Variants in GLP2R observed in about 807,000 individuals in gnomAD.
GLP2R encodes the protein glucagon-like peptide 2 receptor.
Under a neutral mutation model 68.2 loss-of-function variants are expected in GLP2R, and 59 were observed. That is an observed-to-expected ratio of 0.87 (90% CI 0.70 to 1.07). GLP2R has a LOEUF of 1.07. GLP2R is among the 50% of genes least tolerant of loss of function. The pLI is 0.00. For missense variants in GLP2R, 548 were observed against 677.4 expected (o/e 0.81, Z 2.12); for synonymous variants, 270 against 265.4 (o/e 1.02, Z -0.17).
intron 8 of GLP2R, among the ~76,000 whole-genome samples, chr17:9,861,498 TTA>T (rs1156355516): frequency 6.6e-6 from 1 of 151,984 alleles, no homozygotes; most frequent in Non-Finnish European, 1.5e-5. Flanking sequence ...AGAAAAAAAA[TTA>T]ACAAAACTAA....
chr17:9,826,376 C>A (rs1458604707), intron 1 of GLP2R, 124 bp downstream of exon 1: 24 of 638,454 alleles, frequency 3.8e-5, no homozygotes, highest in Non-Finnish European at 5.3e-5. Flanking sequence ...AATAATGAGC[C>A]GCCATAATCC....
At chr17:9,835,012 C>T (rs184275611) in intron 2 of GLP2R, among the ~76,000 whole-genome samples, 27 of 148,902 alleles carry the variant, frequency 1.8e-4, no homozygotes, top group Non-Finnish European at 3.5e-4. Context: ...GATTTCAATG[C>T]CAGAAACCTG....
intron 10 of GLP2R, among the ~76,000 whole-genome samples, chr17:9,875,786 A>C (rs2067137605): frequency 6.6e-6 from 1 of 152,240 alleles, no homozygotes; most frequent in African/African-American, 2.4e-5. Flanking sequence ...GCTCAGAGGC[A>C]GCTCTCTTCC....
At chr17:9,876,142 G>T (rs920994403) in intron 10 of GLP2R, among the ~76,000 whole-genome samples, 1 of 152,190 alleles carries the variant, frequency 6.6e-6, no homozygotes, top group Non-Finnish European at 1.5e-5. Flanking sequence ...CTCCCAAAGT[G>T]CTGGGATTAT....
intron 11 of GLP2R, among the ~76,000 whole-genome samples, chr17:9,885,334 C>T (rs895858718): frequency 6.6e-6 from 1 of 151,944 alleles, no homozygotes; most frequent in Non-Finnish European, 1.5e-5. Flanking sequence ...GGATTGCAAG[C>T]ATGAGCCACC....
chr17:9,857,273 T>C, intron 5 of GLP2R, 150 bp from the exon 6 acceptor site: 1 of 685,110 alleles, frequency 1.5e-6, no homozygotes, highest in Non-Finnish European at 2.5e-6. Flanking sequence ...GGCACAGAGA[T>C]TTACGGTCAC....
chr17:9,871,271 T>C (rs1254720197), intron 10 of GLP2R, among the ~76,000 whole-genome samples: 2 of 151,770 alleles, frequency 1.3e-5, no homozygotes, highest in East Asian at 1.9e-4. Flanking sequence ...AGGGGCTTGC[T>C]TGAGCCCAGA....
chr17:9,871,883 T>C (rs1325348404), intron 10 of GLP2R, among the ~76,000 whole-genome samples: 2 of 151,900 alleles, frequency 1.3e-5, no homozygotes, highest in African/African-American at 2.4e-5. Context: ...TGCCACCACG[T>C]CCGGCTAATT....
At chr17:9,854,900 G>A (rs2066921999) in intron 5 of GLP2R, among the ~76,000 whole-genome samples, 2 of 152,150 alleles carry the variant, frequency 1.3e-5, no homozygotes, top group Admixed American at 1.3e-4. Context: ...TTATGTGAAT[G>A]TGGCCTCTCT....
At chr17:9,869,713 C>G (rs988977226) in intron 9 of GLP2R, among the ~76,000 whole-genome samples, 1 of 152,154 alleles carries the variant, frequency 6.6e-6, no homozygotes, top group Non-Finnish European at 1.5e-5. Flanking sequence ...CTGACTTCCC[C>G]TGGAGTGAGA....
At chr17:9,885,957 C>T (rs1340056321) in intron 11 of GLP2R, among the ~76,000 whole-genome samples, 2 of 152,182 alleles carry the variant, frequency 1.3e-5, no homozygotes, top group Admixed American at 1.3e-4. Flanking sequence ...CAAAGTGACT[C>T]TGCAGGGTGT....
At chr17:9,861,935 CCTT>C in intron 8 of GLP2R, 83 bp from the exon 9 acceptor site, 1 of 933,834 alleles carries the variant, frequency 1.1e-6, no homozygotes, top group Non-Finnish European at 1.8e-6. Context: ...GTGCAAGCAT[CCTT>C]CTTCCAGAGA....
chr17:9,858,036 G>A (rs374410504), intron 6 of GLP2R, among the ~76,000 whole-genome samples: 36 of 152,108 alleles, frequency 2.4e-4, no homozygotes, highest in Admixed American at 1.9e-3. Flanking sequence ...TTCACATAGC[G>A]TTTACATTGC....
At chr17:9,867,181 A>T (rs940090114) in intron 9 of GLP2R, among the ~76,000 whole-genome samples, 6 of 152,172 alleles carry the variant, frequency 3.9e-5, no homozygotes, top group African/African-American at 1.4e-4. Flanking sequence ...TCTGAGGAAA[A>T]GCCAACTGTG....
At chr17:9,849,175 CAT>C (rs1163642561) in intron 4 of GLP2R, among the ~76,000 whole-genome samples, 2 of 151,384 alleles carry the variant, frequency 1.3e-5, no homozygotes, top group African/African-American at 4.9e-5. Context: ...AATATTGAAA[CAT>C]ATAGAAAAAT....
At chr17:9,882,927 T>G (rs2067209580) in intron 11 of GLP2R, among the ~76,000 whole-genome samples, 1 of 148,490 alleles carries the variant, frequency 6.7e-6, no homozygotes, top group South Asian at 2.1e-4. Context: ...TATCTAAAAC[T>G]TCCAGTTTTT....
At chr17:9,877,876 C>CAAA (rs11329707) in intron 10 of GLP2R, among the ~76,000 whole-genome samples, 3 of 100,692 alleles carry the variant, frequency 3.0e-5, no homozygotes, top group African/African-American at 4.1e-5. Flanking sequence ...GACTCCGTCT[C>CAAA]AAAAAAAAAA....
At chr17:9,869,507 A>T (rs1177084704) in intron 9 of GLP2R, among the ~76,000 whole-genome samples, 2 of 152,168 alleles carry the variant, frequency 1.3e-5, no homozygotes, top group Non-Finnish European at 2.9e-5. Flanking sequence ...GGGGCTCTTG[A>T]TCTCTCCCGA....
At chr17:9,871,900 T>C (rs2067097972) in intron 10 of GLP2R, among the ~76,000 whole-genome samples, 1 of 152,078 alleles carries the variant, frequency 6.6e-6, no homozygotes, top group Admixed American at 6.5e-5. Context: ...AATTTTTGTA[T>C]TTTTAGTAGA....
Sources: allele counts gnomAD v4.1 joint callset (sites outside exome capture counted in the v4.1 genomes callset), GRCh38; gene constraint gnomAD v4.1.1; transcripts MANE v1.5; gene names NCBI Gene and HGNC (gene_info 2026-07-23, HGNC 2026-07-21).